The following PHACTR3 variants were observed in gnomAD, a reference collection of about 807,000 sequenced individuals.
The protein encoded by PHACTR3 is protein phosphatase 1, regulatory subunit 123.
In PHACTR3, 16 loss-of-function variants were observed where a neutral mutation model predicts 66.8. The ratio of observed to expected loss-of-function variants is 0.24; its 90% CI spans 0.16 to 0.36. PHACTR3 has a LOEUF of 0.36. Among genes scored for constraint, PHACTR3 ranks in the 10% least tolerant of loss-of-function variants. The pLI is 1.00. For synonymous variants in PHACTR3, 323 were observed against 292.1 expected, an observed-to-expected ratio of 1.11 and a Z score of -1.08; for missense variants, 647 against 719.9, an observed-to-expected ratio of 0.90 and a Z score of 1.16.
At chr20:59,837,269 T>C (rs541125186) in intron 9 of PHACTR3, among the ~76,000 whole-genome samples, 2 of 152,368 alleles carry the variant, frequency 1.3e-5, no homozygotes, top group South Asian at 4.1e-4. Context: ...TGTCTTCTAA[T>C]GGCTTGGATT....
intron 8 of PHACTR3, among the ~76,000 whole-genome samples, chr20:59,823,312 T>C (rs2042101375): frequency 6.6e-6 from 1 of 152,098 alleles, no homozygotes; most frequent in African/African-American, 2.4e-5. Flanking sequence ...AATCTGCAGA[T>C]ATTACCTCCC....
At chr20:59,715,233 A>T (rs2038052546) in intron 1 of PHACTR3, among the ~76,000 whole-genome samples, 1 of 152,192 alleles carries the variant, frequency 6.6e-6, no homozygotes. Context: ...TGAATATTTC[A>T]TCCTTAAGTA....
At chr20:59,601,224 G>A (rs2033470617), upstream of PHACTR3, among the ~76,000 whole-genome samples, 1 of 152,170 alleles carries the variant, frequency 6.6e-6, no homozygotes, top group African/African-American at 2.4e-5. Context: ...GTGGCACGTG[G>A]CCTTCTGCCA....
chr20:59,820,355 G>A lies in PHACTR3; in HGVS notation c.1328+14161G>A, dbSNP rs114264982. On this transcript the variant is annotated intron_variant, in intron 8 of 12. Transcript: ENST00000371015. This position sits in a 1 kb window ranked among gnomAD's most constrained non-coding sequence, Gnocchi z 4.6. Reference sequence around the variant, plus strand: ...GGGGCCTGGTAGTCCTGCAAAGGCCGGGGCAGGCAAGGCCAGCACGGATCA... The same window carrying A: ...GGGGCCTGGTAGTCCTGCAAAGGCCAGGGCAGGCAAGGCCAGCACGGATCA... Among the ~76,000 whole-genome samples the A allele has an allele frequency of 6.6e-3, 1,011 of 152,346 alleles. 14 individuals carry two copies. Among genetic ancestry groups the A allele is most frequent in the African/African-American group, 0.023 (959 of 41,578 alleles).
At chr20:59,682,209 G>A (rs578127209) in intron 1 of PHACTR3, among the ~76,000 whole-genome samples, 5 of 151,550 alleles carry the variant, frequency 3.3e-5, no homozygotes, top group African/African-American at 1.2e-4. Flanking sequence ...GTGTGGTGGC[G>A]TGCACCTGTA....
At chr20:59,623,866 A>G (rs2034354128) in intron 1 of PHACTR3, among the ~76,000 whole-genome samples, 1 of 152,184 alleles carries the variant, frequency 6.6e-6, no homozygotes, top group South Asian at 2.1e-4. Flanking sequence ...CTATGGAGTG[A>G]TGGAGACCTG....
At chr20:59,712,714 G>A (rs1231161694) in intron 1 of PHACTR3, among the ~76,000 whole-genome samples, 14 of 152,158 alleles carry the variant, frequency 9.2e-5, no homozygotes. Context: ...TGGGTGACTT[G>A]TATTTTTAGA....
At chr20:59,760,764 T>A (rs2039970711) in intron 4 of PHACTR3, among the ~76,000 whole-genome samples, 1 of 152,084 alleles carries the variant, frequency 6.6e-6, no homozygotes, top group Admixed American at 6.5e-5. Flanking sequence ...GATCCGGTGT[T>A]TTGACACAAA....
At chr20:59,815,424 TTTTTTTTG>T (rs1267232118) in intron 8 of PHACTR3, among the ~76,000 whole-genome samples, 1 of 149,180 alleles carries the variant, frequency 6.7e-6, no homozygotes, top group South Asian at 2.1e-4. Flanking sequence ...TCTGGTTTTT[TTTTTTTTG>T]TTTTTTTTTT....
intron 1 of PHACTR3, among the ~76,000 whole-genome samples, chr20:59,734,524 C>G (rs555582340): frequency 6.6e-6 from 1 of 152,304 alleles, no homozygotes; most frequent in Admixed American, 6.5e-5. Context: ...TCCCAAGCCA[C>G]TGAGCCCAGG....
intron 1 of PHACTR3, among the ~76,000 whole-genome samples, chr20:59,675,021 C>CT (rs1214140463): frequency 3.0e-5 from 3 of 100,710 alleles, no homozygotes; most frequent in African/African-American, 1.3e-4. Flanking sequence ...CCTCCCCATT[C>CT]TCCTCCCTGT....
At chr20:59,637,314 C>T (rs2034932925) in intron 1 of PHACTR3, among the ~76,000 whole-genome samples, 1 of 152,222 alleles carries the variant, frequency 6.6e-6, no homozygotes, top group Non-Finnish European at 1.5e-5. Flanking sequence ...TGCCTTTTCC[C>T]TGTTGCCCTG....
At chr20:59,770,403 A>G (rs184697338) in intron 5 of PHACTR3, among the ~76,000 whole-genome samples, 465 of 152,302 alleles carry the variant, frequency 3.1e-3, no homozygotes, top group African/African-American at 0.011. Context: ...TGTGAACACT[A>G]GATGGTAGCA....
chr20:59,670,605 T>TGG (rs34092952), intron 1 of PHACTR3, among the ~76,000 whole-genome samples: 81 of 47,154 alleles, frequency 1.7e-3, no homozygotes, highest in South Asian at 4.9e-3. Context: ...CTGCCGGGGG[T>TGG]GGGGGGGGGG....
chr20:59,597,158 T>C, intron 1 of PHACTR3, among the ~76,000 whole-genome samples: 1 of 152,230 alleles, frequency 6.6e-6, no homozygotes, highest in Non-Finnish European at 1.5e-5. Flanking sequence ...CCCTTTTCTG[T>C]CCTGTTGGTA....
chr20:59,601,174 G>T (rs1159951653), upstream of PHACTR3, among the ~76,000 whole-genome samples: 2 of 152,168 alleles, frequency 1.3e-5, no homozygotes, highest in Non-Finnish European at 2.9e-5. Context: ...CCACAGATCT[G>T]CTTTCTGATT....
chr20:59,727,320 A>G (rs1214964875), intron 1 of PHACTR3, among the ~76,000 whole-genome samples: 1 of 151,948 alleles, frequency 6.6e-6, no homozygotes. Flanking sequence ...GATAGACTAT[A>G]CTTGATGTGT....
At position 59,798,374 on chromosome 20, in the gene PHACTR3, A is replaced by G. The variant is rs2041314459; in HGVS notation, c.1175-7667A>G. ...TTTCAACATGAATTTTGGAAGGGACACAAACATTCAAACCATAAAAACTTC... is the reference window on the plus strand; with the variant it reads ...TTTCAACATGAATTTTGGAAGGGACGCAAACATTCAAACCATAAAAACTTC... On this transcript the variant is annotated intron_variant, in intron 7 of 12. Transcript: ENST00000371015. 2.6e-5 allele frequency among the ~76,000 whole-genome samples: 4 copies of G among 152,362 alleles called. No homozygotes were observed. In the South Asian group the frequency reaches 8.3e-4, roughly 32 times the overall value.
intron 1 of PHACTR3, among the ~76,000 whole-genome samples, chr20:59,722,644 G>A (rs1053292109): frequency 3.9e-5 from 6 of 152,152 alleles, no homozygotes; most frequent in East Asian, 1.9e-4. Context: ...TCAGTGGACC[G>A]GGAAGTGGCC....
Sources: gnomAD v4.1 joint callset for allele counts (sites outside exome capture counted in the v4.1 genomes callset) on GRCh38, gnomAD v4.1.1 for gene constraint, Gnocchi (gnomAD v3.1) non-coding constraint, MANE v1.5 for transcripts, NCBI Gene and HGNC (gene_info 2026-07-23, HGNC 2026-07-21) for gene names.